The following PHACTR1 variants were observed in gnomAD, a reference collection of about 807,000 sequenced individuals.
PHACTR1 encodes phosphatase and actin regulator 1, also known as RPEL repeat containing 1.
Under a neutral mutation model 69.2 loss-of-function variants are expected in PHACTR1, and 16 were observed. That is an observed-to-expected ratio of 0.23 (90% confidence interval 0.16 to 0.35). The LOEUF (loss-of-function observed/expected upper bound fraction) is 0.35, where lower values mean the gene tolerates loss of function less well. Among genes scored for constraint, PHACTR1 ranks in the 10% least tolerant of loss-of-function variants. The probability of loss-of-function intolerance (pLI) is 1.00; values close to 1 mark genes in which losing one functional copy is unlikely to be tolerated. For missense variants in PHACTR1, 510 were observed against 734.7 expected (o/e 0.69, Z 3.54); for synonymous variants, 312 against 284.5 (o/e 1.10, Z -0.97).
At chr6:13,162,275 T>TTTG (rs78580947) in intron 6 of PHACTR1, among the ~76,000 whole-genome samples, 6 of 149,848 alleles carry the variant, frequency 4.0e-5, no homozygotes, top group Non-Finnish European at 5.9e-5. Flanking sequence ...ACTTTTGTTT[T>TTTG]TTTGTTTGTT....
chr6:13,208,637 C>CA (rs1055812288), intron 8 of PHACTR1, among the ~76,000 whole-genome samples: 4 of 151,102 alleles, frequency 2.6e-5, no homozygotes, highest in African/African-American at 9.7e-5. Context: ...GCCCACCCCC[C>CA]CAACCCCATG....
Position 13,283,451 on chromosome 6 carries a change from T to C in PHACTR1, c.1539T>C (p.Leu513=). 1 of 1,613,742 alleles carries C rather than the reference T, an allele frequency of 6.2e-7. No individual in the cohort carries two copies. Among genetic ancestry groups the C allele is most frequent in the Non-Finnish European group, 8.5e-7 (1 of 1,179,784 alleles). The change falls in exon 13 of 15, where the codon CTT becomes CTC. Residue 513 remains leucine, a synonymous_variant. Transcript: ENST00000332995. This position sits in a 1 kb window ranked among gnomAD's most constrained non-coding sequence, Gnocchi z 4.7. The part of the protein sequence containing the change: ...KLSQRPTVEE[L]RERKILIRFS... ...GTCAAAGGCCCACGGTGGAAGAGCT[T>C]CGGGAAAGAAAGATCCTCATCCGCT...
intron 5 of PHACTR1, among the ~76,000 whole-genome samples, chr6:13,159,724 G>A (rs1428962380): frequency 3.9e-5 from 6 of 152,188 alleles, no homozygotes. Context: ...AGTGGATCAC[G>A]AGGTCAGGAG....
chr6:12,957,297 C>T lies in PHACTR1; in HGVS notation c.251-96068C>T, dbSNP rs913834831. 8 of 583,138 alleles carry T rather than the reference C, an allele frequency of 1.4e-5. No individual in the cohort carries two copies. In the South Asian group the frequency reaches 4.4e-4, roughly 32 times the overall value. The allele number at this position is 583,138 out of a possible 1,614,324, so 36.1% of individuals were successfully genotyped here. Reference sequence around the variant, plus strand: ...AAAAGCCCAGGCTGTGAGTTCCAGACTTCCAAGCTGCATTTCCTCTGAATC... The same window carrying T: ...AAAAGCCCAGGCTGTGAGTTCCAGATTTCCAAGCTGCATTTCCTCTGAATC... On this transcript the variant is annotated intron_variant, in intron 4 of 14. Transcript: ENST00000332995.
At chr6:13,116,346 G>A (rs976431202) in intron 5 of PHACTR1, among the ~76,000 whole-genome samples, 4 of 152,222 alleles carry the variant, frequency 2.6e-5, no homozygotes, top group South Asian at 4.1e-4. Context: ...TTGCATGTAA[G>A]TGCAATTATG....
chr6:12,792,400 G>A (rs983777586), intron 4 of PHACTR1, among the ~76,000 whole-genome samples: 3 of 143,018 alleles, frequency 2.1e-5, no homozygotes, highest in African/African-American at 7.6e-5. Flanking sequence ...GGAGGCGGAG[G>A]TTGCAGTGAG....
At chr6:13,054,103 G>C (rs1806417323) in intron 5 of PHACTR1, among the ~76,000 whole-genome samples, 1 of 152,200 alleles carries the variant, frequency 6.6e-6, no homozygotes, top group Non-Finnish European at 1.5e-5. Flanking sequence ...TAAGAGCACA[G>C]ATCCTGGAGC....
chr6:13,193,357 G>GTGTATATATATATA lies in PHACTR1; in HGVS notation c.664+10672_664+10673insGTATATATATATAT, dbSNP rs536184609. ...ATTCTACCTCTTAATAGCTCTCTGTGTATATATATATATATATATATATAT... is the reference window on the plus strand; with the variant it reads ...ATTCTACCTCTTAATAGCTCTCTGTGTGTATATATATATATATATATATATATATATATATATAT... On this transcript the variant is annotated intron_variant, in intron 7 of 14. Coordinates refer to ENST00000332995, the MANE Select transcript of PHACTR1 (RefSeq NM_030948.6). 1.7e-3 allele frequency among the ~76,000 whole-genome samples: 118 copies of GTGTATATATATATA among 68,192 alleles called. 2 individuals carry two copies. Among genetic ancestry groups the GTGTATATATATATA allele is most frequent in the Admixed American group, 5.6e-3 (30 of 5,326 alleles). 44.7% of individuals were successfully genotyped at this position (68,192 alleles called of 152,430 possible).
At chr6:13,116,785 AT>A (rs1368728152) in intron 5 of PHACTR1, among the ~76,000 whole-genome samples, 1 of 152,202 alleles carries the variant, frequency 6.6e-6, no homozygotes, top group Non-Finnish European at 1.5e-5. Context: ...ATTTTTGAGC[AT>A]TTTATTTGAG....
intron 4 of PHACTR1, among the ~76,000 whole-genome samples, chr6:12,830,227 T>C (rs1166996787): frequency 6.6e-6 from 1 of 151,562 alleles, no homozygotes; most frequent in East Asian, 1.9e-4. Flanking sequence ...AAATTGAAAA[T>C]GAACTAAAAA....
chr6:12,930,048 T>A (rs1042323582), intron 4 of PHACTR1, among the ~76,000 whole-genome samples: 1 of 151,420 alleles, frequency 6.6e-6, no homozygotes, highest in East Asian at 1.9e-4. Flanking sequence ...GAAAGAACTT[T>A]TTTTTTTTTT....
Position 13,273,160 on chromosome 6 carries a change from T to C in PHACTR1, c.1447+245T>C, listed in dbSNP as rs549521108. On this transcript the variant is annotated intron_variant, in intron 11 of 14. Transcript: ENST00000332995. The stretch of plus-strand genomic sequence containing the variant: ...CAGGCAGAACCTTCCTTTTAGTGAG[T>C]TGTAAAGTCAGAGAGAAGCTGAAAA... 26 of 498,954 alleles carry C rather than the reference T, an allele frequency of 5.2e-5. No homozygotes were observed. In the Admixed American group the frequency reaches 7.5e-4, roughly 14 times the overall value. The allele number at this position is 498,954 out of a possible 1,614,324, so 30.9% of individuals were successfully genotyped here. A position where few individuals can be genotyped will look rare whatever the true frequency, so the allele number is the denominator to read the frequency against.
intron 6 of PHACTR1, among the ~76,000 whole-genome samples, chr6:13,165,872 G>T (rs901977263): frequency 6.9e-6 from 1 of 145,184 alleles, no homozygotes; most frequent in African/African-American, 2.6e-5. Context: ...CCTCTCTGTG[G>T]CATTTGCTTC....
chr6:13,272,936 C>G (rs190357038), intron 11 of PHACTR1, 21 bp downstream of exon 11: 1 of 1,613,324 alleles, frequency 6.2e-7, no homozygotes, highest in Admixed American at 1.7e-5. Context: ...AAGCCCATGG[C>G]AATCCCTGAT....
intron 10 of PHACTR1, among the ~76,000 whole-genome samples, chr6:13,268,772 A>G (rs1002939076): frequency 6.6e-6 from 1 of 152,224 alleles, no homozygotes; most frequent in Admixed American, 6.5e-5. Flanking sequence ...TTCAAGGTCA[A>G]AACAACTAAC....
intron 5 of PHACTR1, among the ~76,000 whole-genome samples, chr6:13,159,116 G>T (rs1220475608): frequency 6.6e-6 from 1 of 151,992 alleles, no homozygotes; most frequent in Admixed American, 6.6e-5. Context: ...TACTTGATTT[G>T]CCCCCCAGCA....
chr6:12,829,182 G>T (rs750432392), intron 4 of PHACTR1, among the ~76,000 whole-genome samples: 6 of 152,096 alleles, frequency 3.9e-5, no homozygotes, highest in Non-Finnish European at 5.9e-5. Flanking sequence ...TGTAGCTCTC[G>T]GCCCAGGGGA....
chr6:13,070,608 A>C (rs1329696980), intron 5 of PHACTR1, among the ~76,000 whole-genome samples: 1 of 152,168 alleles, frequency 6.6e-6, no homozygotes, highest in Non-Finnish European at 1.5e-5. Flanking sequence ...ACAGTTACCC[A>C]TGACTTGAAA....
chr6:13,266,353 A>G (rs1776701499), intron 10 of PHACTR1, among the ~76,000 whole-genome samples: 1 of 151,952 alleles, frequency 6.6e-6, no homozygotes, highest in Non-Finnish European at 1.5e-5. Context: ...TTCTCCATAT[A>G]ATAACCAGCA....
Sources: allele counts gnomAD v4.1 joint callset (sites outside exome capture counted in the v4.1 genomes callset), GRCh38; gene constraint gnomAD v4.1.1; non-coding constraint Gnocchi (gnomAD v3.1); transcripts MANE v1.5; gene names NCBI Gene and HGNC (gene_info 2026-07-23, HGNC 2026-07-21).